The following LRMDA variants were observed in gnomAD, a reference collection of about 807,000 sequenced individuals.
LRMDA encodes the protein leucine-rich melanocyte differentiation-associated protein.
A neutral mutation model predicts 29.8 loss-of-function variants in LRMDA; 18 were observed. The observed-to-expected ratio is 0.60, with a 90% confidence interval of 0.42 to 0.90. LRMDA has a LOEUF of 0.90. LRMDA is among the 40% of genes least tolerant of loss of function. The pLI is 0.00. For synonymous variants in LRMDA, 125 were observed against 109.4 expected (o/e 1.14, Z -0.89); for missense variants, 273 against 273.9 (o/e 1.00, Z 0.02).
chr10:76,557,485 A>G lies in LRMDA; in HGVS notation c.*197A>G. ...TCCTTCTGCCTTAGACTGAGTGGTC[A>G]CATAGAGATTGACATGATTGCCCTT... On this transcript the variant is annotated 3_prime_UTR_variant, in exon 7 of 7. Transcript: ENST00000611255. The G allele has an allele frequency of 1.7e-6, 1 of 602,838 alleles. No homozygotes were observed. Among genetic ancestry groups the G allele is most frequent in the East Asian group, 2.8e-5 (1 of 36,232 alleles). The allele number at this position is 602,838 out of a possible 1,614,324, so 37.3% of individuals were successfully genotyped here. A position where few individuals can be genotyped will look rare whatever the true frequency, so the allele number is the denominator to read the frequency against.
intron 5 of LRMDA, among the ~76,000 whole-genome samples, chr10:76,297,194 A>G (rs1269821094): frequency 2.0e-5 from 3 of 152,246 alleles, no homozygotes; most frequent in African/African-American, 7.2e-5. Flanking sequence ...TCTTAAAATA[A>G]CAGCATTACC....
chr10:76,299,732 G>T (rs1398791238), intron 5 of LRMDA, among the ~76,000 whole-genome samples: 3 of 151,650 alleles, frequency 2.0e-5, no homozygotes, highest in Admixed American at 1.3e-4. Context: ...AGGAATCTTC[G>T]CAATCTGCTG....
chr10:76,234,757 C>T (rs1365326927), intron 5 of LRMDA, among the ~76,000 whole-genome samples: 1 of 152,208 alleles, frequency 6.6e-6, no homozygotes, highest in Non-Finnish European at 1.5e-5. Flanking sequence ...AACTTTTCTT[C>T]TGTAGCTTCT....
intron 5 of LRMDA, among the ~76,000 whole-genome samples, chr10:76,167,572 G>A (rs1174293804): frequency 6.6e-6 from 1 of 152,096 alleles, no homozygotes; most frequent in Non-Finnish European, 1.5e-5. Context: ...TAGATATGTG[G>A]CCTTGTTTCT....
chr10:76,040,775 G>A (rs1171762894), intron 3 of LRMDA, among the ~76,000 whole-genome samples: 1 of 152,200 alleles, frequency 6.6e-6, no homozygotes, highest in African/African-American at 2.4e-5. Flanking sequence ...TTTCCTTTTG[G>A]GGTGTGTGGG....
chr10:76,377,353 G>A (rs1841534361), intron 6 of LRMDA, among the ~76,000 whole-genome samples: 1 of 152,092 alleles, frequency 6.6e-6, no homozygotes, highest in African/African-American at 2.4e-5. Context: ...TAGATTATCT[G>A]TTTACTTTGT....
chr10:75,578,238 A>AAAAAAAAAAAAAAAAAAAAAAAAAC (rs1564805418), intron 2 of LRMDA, among the ~76,000 whole-genome samples: 1 of 147,940 alleles, frequency 6.8e-6, no homozygotes, highest in East Asian at 2.0e-4. Flanking sequence ...AAAAAAAAAA[A>AAAAAAAAAAAAAAAAAAAAAAAAAC]AGCAGCAGTT....
chr10:75,927,009 T>A (rs1846131193), intron 2 of LRMDA, among the ~76,000 whole-genome samples: 1 of 152,176 alleles, frequency 6.6e-6, no homozygotes, highest in Non-Finnish European at 1.5e-5. Flanking sequence ...ACCTAAAAGC[T>A]GGAGAGCAAT....
chr10:75,519,944 G>C (rs972072892), intron 2 of LRMDA, among the ~76,000 whole-genome samples: 11 of 152,168 alleles, frequency 7.2e-5, no homozygotes. Flanking sequence ...ATGAAGCTTA[G>C]TTTGGCTGGA....
chr10:75,453,369 G>T (rs1844481181), intron 2 of LRMDA, among the ~76,000 whole-genome samples: 1 of 152,192 alleles, frequency 6.6e-6, no homozygotes, highest in Non-Finnish European at 1.5e-5. Context: ...AACATAGGTT[G>T]ATGGCACAGG....
intron 2 of LRMDA, among the ~76,000 whole-genome samples, chr10:75,936,163 A>G (rs1255628855): frequency 6.6e-6 from 1 of 152,072 alleles, no homozygotes; most frequent in Non-Finnish European, 1.5e-5. Context: ...GCACTCTAAT[A>G]AGAGAGGCAC....
chr10:76,458,020 C>T (rs1842474709), intron 6 of LRMDA, among the ~76,000 whole-genome samples: 1 of 151,904 alleles, frequency 6.6e-6, no homozygotes. Context: ...TAGGAGGTGT[C>T]CCCCTCAACC....
intron 2 of LRMDA, among the ~76,000 whole-genome samples, chr10:75,786,231 G>A (rs1284691191): frequency 1.3e-5 from 2 of 152,318 alleles, no homozygotes; most frequent in East Asian, 3.9e-4. Context: ...GGTATGAAAA[G>A]TGTGGGTTTC....
At chr10:75,712,413 G>T (rs564323869) in intron 2 of LRMDA, among the ~76,000 whole-genome samples, 104 of 150,392 alleles carry the variant, frequency 6.9e-4, no homozygotes, top group African/African-American at 2.3e-3. Flanking sequence ...GGATCCGGAA[G>T]CAGGGAGGTG....
chr10:75,716,872 C>T (rs979879755), intron 2 of LRMDA, among the ~76,000 whole-genome samples: 13 of 152,090 alleles, frequency 8.5e-5, no homozygotes, highest in African/African-American at 2.2e-4. Flanking sequence ...GATGGGGCAG[C>T]GAAAAGTATG....
chr10:76,358,631 C>CT (rs1841271386), intron 6 of LRMDA, among the ~76,000 whole-genome samples: 1 of 152,142 alleles, frequency 6.6e-6, no homozygotes, highest in Admixed American at 6.5e-5. Flanking sequence ...TCTTTGGCCT[C>CT]TATCAGAGGA....
At chr10:75,657,677 T>C (rs1484020796) in intron 2 of LRMDA, among the ~76,000 whole-genome samples, 2 of 152,154 alleles carry the variant, frequency 1.3e-5, no homozygotes, top group East Asian at 1.9e-4. Flanking sequence ...AGGAGGCATA[T>C]AGTAGTGGAA....
At chr10:75,579,767 A>G (rs763357461) in intron 2 of LRMDA, among the ~76,000 whole-genome samples, 4 of 152,244 alleles carry the variant, frequency 2.6e-5, no homozygotes, top group Non-Finnish European at 4.4e-5. Context: ...CTAGTTCAAC[A>G]TACGTGAATC....
intron 2 of LRMDA, among the ~76,000 whole-genome samples, chr10:75,602,493 C>A (rs1285206044): frequency 6.6e-6 from 1 of 152,148 alleles, no homozygotes; most frequent in African/African-American, 2.4e-5. Flanking sequence ...ATGTTGGATT[C>A]TCTCCCCAAG....
Sources: gnomAD v4.1 joint callset for allele counts (sites outside exome capture counted in the v4.1 genomes callset) on GRCh38, gnomAD v4.1.1 for gene constraint, MANE v1.5 for transcripts, NCBI Gene and HGNC (gene_info 2026-07-23, HGNC 2026-07-21) for gene names.